FGF12: variants seen among roughly 807,000 people sequenced by gnomAD.
The protein encoded by FGF12 is fibroblast growth factor 12B.
FGF12 carries 14 observed loss-of-function variants against 23.6 expected under a neutral mutation model. The ratio of observed to expected loss-of-function variants is 0.59; its 90% CI spans 0.39 to 0.93. FGF12 has a LOEUF of 0.93. Among genes scored for constraint, FGF12 ranks in the 40% least tolerant of loss-of-function variants. The pLI is 0.00. For missense variants in FGF12, 175 were observed against 217.8 expected (o/e 0.80, Z 1.24); for synonymous variants, 62 against 77.3 (o/e 0.80, Z 1.04).
intron 2 of FGF12, among the ~76,000 whole-genome samples, chr3:192,391,317 A>G (rs891242056): frequency 1.3e-5 from 2 of 152,238 alleles, no homozygotes; most frequent in Non-Finnish European, 2.9e-5. Context: ...ATCAGTTCAG[A>G]TGACGTCTAG....
At chr3:192,571,216 G>A in intron 2 of FGF12, among the ~76,000 whole-genome samples, 1 of 152,212 alleles carries the variant, frequency 6.6e-6, no homozygotes, top group East Asian at 1.9e-4. Flanking sequence ...AGGCAACAAT[G>A]ACTTCGTGAA....
chr3:192,337,487 G>A (rs775965220), intron 3 of FGF12, among the ~76,000 whole-genome samples: 2 of 152,128 alleles, frequency 1.3e-5, no homozygotes, highest in East Asian at 1.9e-4. Flanking sequence ...ATAAATAACC[G>A]AGTCTGTCAC....
chr3:192,643,211 T>G (rs539260232), intron 2 of FGF12, among the ~76,000 whole-genome samples: 5 of 152,210 alleles, frequency 3.3e-5, no homozygotes, highest in Non-Finnish European at 7.3e-5. Flanking sequence ...GATAGATAGA[T>G]AAATTTAGAA....
intron 4 of FGF12, among the ~76,000 whole-genome samples, chr3:192,331,973 C>T (rs558913875): frequency 3.5e-4 from 53 of 152,068 alleles, no homozygotes; most frequent in African/African-American, 1.2e-3. Flanking sequence ...GTTCACCATC[C>T]GCACACCTTC....
chr3:192,188,352 G>C (rs1403017603), intron 4 of FGF12, among the ~76,000 whole-genome samples: 1 of 152,098 alleles, frequency 6.6e-6, no homozygotes, highest in African/African-American at 2.4e-5. Context: ...ACGTGTTTTT[G>C]TGTTTCCATT....
intron 5 of FGF12, among the ~76,000 whole-genome samples, chr3:192,159,890 G>A (rs1053328068): frequency 1.3e-5 from 2 of 151,964 alleles, no homozygotes; most frequent in African/African-American, 4.8e-5. Context: ...TGTCTGAGTT[G>A]TAATAACCAG....
chr3:192,698,971 T>C (rs571673546), intron 2 of FGF12, among the ~76,000 whole-genome samples: 15 of 152,210 alleles, frequency 9.9e-5, no homozygotes, highest in African/African-American at 3.6e-4. Context: ...AAGTTCCGTA[T>C]GTTAATGCTT....
At chr3:192,612,529 C>T (rs546817793) in intron 2 of FGF12, among the ~76,000 whole-genome samples, 29 of 151,910 alleles carry the variant, frequency 1.9e-4, no homozygotes, top group African/African-American at 6.0e-4. Context: ...TGATTAAATA[C>T]ATTATGATAA....
At chr3:192,573,467 AAAGTT>A (rs766971297) in intron 2 of FGF12, among the ~76,000 whole-genome samples, 35 of 152,120 alleles carry the variant, frequency 2.3e-4, no homozygotes, top group Non-Finnish European at 3.2e-4. Flanking sequence ...AGTAGAACAA[AAAGTT>A]AACTCTCCCC....
chr3:192,685,754 C>G (rs974568196), intron 2 of FGF12, among the ~76,000 whole-genome samples: 1 of 152,140 alleles, frequency 6.6e-6, no homozygotes, highest in African/African-American at 2.4e-5. Context: ...AATAATACTT[C>G]CAAATCTTTC....
At chr3:192,584,884 C>A (rs1713308923) in intron 2 of FGF12, among the ~76,000 whole-genome samples, 1 of 152,064 alleles carries the variant, frequency 6.6e-6, no homozygotes, top group African/African-American at 2.4e-5. Context: ...TCTGCCCCTC[C>A]ATAAAGAATG....
chr3:192,504,769 C>T (rs909050696), intron 2 of FGF12, among the ~76,000 whole-genome samples: 18 of 152,086 alleles, frequency 1.2e-4, no homozygotes, highest in Admixed American at 6.6e-5. Context: ...GCAGATGAGT[C>T]CTCTCTGTAG....
intron 5 of FGF12, among the ~76,000 whole-genome samples, chr3:192,148,255 C>T (rs1336517912): frequency 1.3e-5 from 2 of 152,164 alleles, no homozygotes; most frequent in African/African-American, 2.4e-5. Flanking sequence ...GTGGCCTATA[C>T]ATATAATGAA....
chr3:192,360,444 G>T lies in FGF12; in HGVS notation c.108C>A (p.Asp36Glu). 6.2e-7 allele frequency: 1 copy of T among 1,611,022 alleles called. No homozygotes were observed. The highest frequency in any genetic ancestry group is 1.1e-5 in the South Asian group (1 of 91,016). ...GTTTCTTACTGTAGTCGCTGTTTTC[G>T]TCCTTGGTCCCATCAATGGTACCAT... ...HPDGTIDGTK[D>E]ENSDYTLFNL... The change falls in exon 3 of 6, where the codon GAC (aspartate) becomes GAA (glutamate). Residue 36 changes from aspartate (D) to glutamate (E), a missense_variant. Coordinates refer to ENST00000445105, the MANE Select transcript of FGF12 (RefSeq NM_004113.6). The surrounding 1 kb of genome is among the most constrained non-coding windows in gnomAD (Gnocchi z 4.3).
chr3:192,708,295 G>C (rs1338131662), intron 2 of FGF12, among the ~76,000 whole-genome samples: 1 of 152,136 alleles, frequency 6.6e-6, no homozygotes, highest in Non-Finnish European at 1.5e-5. Flanking sequence ...TAACAGCCTA[G>C]GGTGAGAGAT....
intron 3 of FGF12, among the ~76,000 whole-genome samples, chr3:192,351,529 G>A (rs1718219540): frequency 6.6e-6 from 1 of 152,164 alleles, no homozygotes; most frequent in African/African-American, 2.4e-5. Context: ...AAGTCTTCAG[G>A]CCCTAGGCAG....
At chr3:192,449,200 G>T (rs1722449508) in intron 2 of FGF12, among the ~76,000 whole-genome samples, 1 of 152,122 alleles carries the variant, frequency 6.6e-6, no homozygotes, top group South Asian at 2.1e-4. Flanking sequence ...TCTGTTCTTT[G>T]CAGCAAACAC....
chr3:192,665,571 A>C (rs1313056888), intron 2 of FGF12, among the ~76,000 whole-genome samples: 1 of 138,120 alleles, frequency 7.2e-6, no homozygotes, highest in Non-Finnish European at 1.5e-5. Flanking sequence ...ACACAGGGAC[A>C]CAGGGAGGGG....
intron 4 of FGF12, among the ~76,000 whole-genome samples, chr3:192,296,086 T>TTTC (rs1715021349): frequency 1.6e-5 from 2 of 126,482 alleles, no homozygotes; most frequent in Non-Finnish European, 3.3e-5. Flanking sequence ...TTTTTTTTTT[T>TTTC]GTGGAGACAG....
Sources: allele counts gnomAD v4.1 joint callset (sites outside exome capture counted in the v4.1 genomes callset), GRCh38; gene constraint gnomAD v4.1.1; non-coding constraint Gnocchi (gnomAD v3.1); transcripts MANE v1.5; gene names NCBI Gene and HGNC (gene_info 2026-07-23, HGNC 2026-07-21).